MAML3: variants seen among roughly 807,000 people sequenced by gnomAD.
The protein encoded by MAML3 is mastermind-like protein 3.
A neutral mutation model predicts 101.9 loss-of-function variants in MAML3; 27 were observed. The ratio of observed to expected loss-of-function variants is 0.27; its 90% CI spans 0.20 to 0.37. The LOEUF is 0.37. Among genes scored for constraint, MAML3 ranks in the 10% least tolerant of loss-of-function variants. The pLI is 1.00. For missense variants in MAML3, 1,316 were observed against 1,444.9 expected, an observed-to-expected ratio of 0.91 and a Z score of 1.45; for synonymous variants, 501 against 555.9, an observed-to-expected ratio of 0.90 and a Z score of 1.39.
intron 1 of MAML3, among the ~76,000 whole-genome samples, chr4:139,911,148 T>A (rs140575736): frequency 1.3e-5 from 2 of 152,270 alleles, no homozygotes; most frequent in African/African-American, 4.8e-5. Flanking sequence ...ACGATATTTA[T>A]CTCTTAATGA....
rs567340883 is a variant in MAML3, at chr4:140,035,194, G to T, written c.468+117666C>A. On this transcript the variant is annotated intron_variant, in intron 1 of 4. Coordinates refer to ENST00000509479, the MANE Select transcript of MAML3 (RefSeq NM_018717.5). ...TCACCATGTTGGCAAGGCTGGTTTC[G>T]AACTCCTGACCTCAAGTGACACACC... Among the ~76,000 whole-genome samples the T allele has an allele frequency of 9.9e-5, 15 of 152,132 alleles. No individual in the cohort carries two copies. In the South Asian group the frequency reaches 1.7e-3, roughly 17 times the overall value.
chr4:140,112,137 T>G (rs1439048074), intron 1 of MAML3, among the ~76,000 whole-genome samples: 2 of 151,876 alleles, frequency 1.3e-5, no homozygotes, highest in Admixed American at 6.6e-5. Flanking sequence ...AATTTCTATA[T>G]CAGTATGGAT....
At chr4:139,872,201 G>A (rs1372080669) in intron 2 of MAML3, among the ~76,000 whole-genome samples, 1 of 151,842 alleles carries the variant, frequency 6.6e-6, no homozygotes, top group Non-Finnish European at 1.5e-5. Flanking sequence ...TCTGTATGCT[G>A]TTATTATTTT....
chr4:139,813,955 G>C (rs570294599), intron 2 of MAML3, among the ~76,000 whole-genome samples: 1 of 151,834 alleles, frequency 6.6e-6, no homozygotes, highest in African/African-American at 2.4e-5. Context: ...AGTAACTGCA[G>C]AAAAAGCAAA....
At chr4:139,988,171 A>G (rs1019578768) in intron 1 of MAML3, among the ~76,000 whole-genome samples, 3 of 151,360 alleles carry the variant, frequency 2.0e-5, no homozygotes, top group Non-Finnish European at 4.4e-5. Context: ...TACTAAAAAT[A>G]CAAAAATTAG....
chr4:139,927,072 C>CTTTTTTTTTTTTTTTTTT (rs61573991), intron 1 of MAML3, among the ~76,000 whole-genome samples: 3 of 134,730 alleles, frequency 2.2e-5, no homozygotes, highest in African/African-American at 8.4e-5. Flanking sequence ...TTTCTTTTTT[C>CTTTTTTTTTTTTTTTTTT]TTTTTTTTTT....
chr4:139,908,696 C>A (rs939595340), intron 1 of MAML3, among the ~76,000 whole-genome samples: 1 of 152,204 alleles, frequency 6.6e-6, no homozygotes, highest in Non-Finnish European at 1.5e-5. Context: ...ACATTCTTCT[C>A]AATTCAGGCA....
chr4:139,727,155 T>C (rs1728506572), intron 3 of MAML3, among the ~76,000 whole-genome samples: 1 of 152,218 alleles, frequency 6.6e-6, no homozygotes. Flanking sequence ...CTTTTCTTTT[T>C]CTCTTTCTCT....
chr4:139,896,795 C>T (rs76410082), intron 1 of MAML3, among the ~76,000 whole-genome samples: 2,755 of 152,230 alleles, frequency 0.018, 80 homozygotes, highest in African/African-American at 0.064. Flanking sequence ...CACACAGAAT[C>T]ATATTTTATC....
At chr4:140,009,187 T>G (rs1431182629) in intron 1 of MAML3, among the ~76,000 whole-genome samples, 1 of 152,206 alleles carries the variant, frequency 6.6e-6, no homozygotes, top group African/African-American at 2.4e-5. Flanking sequence ...TTGTTACAAG[T>G]CATGTGCATT....
Position 139,725,765 on chromosome 4 carries a change from A to G in MAML3, c.2402T>C (p.Val801Ala), listed in dbSNP as rs756861133. ...ACTGGCCTCACCTTGAAACTGATTG[A>G]CCTGCTGCACTGGGTATGGATTCCG... ...PQRNPYPVQQ[V>A]NQFQGSPQDI... The change falls in exon 4 of 5, where the codon GTC becomes GCC. Residue 801 changes from valine to alanine, a missense_variant. Physicochemically the swap from Val to Ala is moderately conservative, Grantham distance 64. Coordinates refer to ENST00000509479, the MANE Select transcript of MAML3 (RefSeq NM_018717.5). 1.2e-6 allele frequency: 2 copies of G among 1,613,872 alleles called. No homozygotes were observed. Among genetic ancestry groups the G allele is most frequent in the East Asian group, 2.2e-5 (1 of 44,880 alleles).
At chr4:139,786,805 G>T (rs1730311416) in intron 2 of MAML3, among the ~76,000 whole-genome samples, 1 of 152,140 alleles carries the variant, frequency 6.6e-6, no homozygotes, top group African/African-American at 2.4e-5. Flanking sequence ...GTTAAAGTGG[G>T]GTCAAGGGCC....
At chr4:139,925,210 G>T (rs1444167805) in intron 1 of MAML3, among the ~76,000 whole-genome samples, 1 of 151,998 alleles carries the variant, frequency 6.6e-6, no homozygotes, top group Non-Finnish European at 1.5e-5. Context: ...GGATTAGTGA[G>T]TCCCTGTACT....
intron 2 of MAML3, among the ~76,000 whole-genome samples, chr4:139,884,286 A>C (rs1244600313): frequency 6.6e-6 from 1 of 152,256 alleles, no homozygotes; most frequent in East Asian, 1.9e-4. Context: ...AAAAGCTTAT[A>C]ATAATATACC....
chr4:139,860,765 G>A (rs1158268509), intron 2 of MAML3, among the ~76,000 whole-genome samples: 1 of 152,098 alleles, frequency 6.6e-6, no homozygotes, highest in Non-Finnish European at 1.5e-5. Flanking sequence ...ATGAGGTATT[G>A]TAGGTACTCA....
At chr4:140,057,113 G>A (rs557181284) in intron 1 of MAML3, among the ~76,000 whole-genome samples, 2 of 152,188 alleles carry the variant, frequency 1.3e-5, no homozygotes, top group Non-Finnish European at 2.9e-5. Context: ...CCGTCTCTAC[G>A]AAAAATTTAA....
chr4:140,026,740 T>C (rs1726831759), intron 1 of MAML3, among the ~76,000 whole-genome samples: 1 of 152,134 alleles, frequency 6.6e-6, no homozygotes, highest in Non-Finnish European at 1.5e-5. Context: ...CTATGGTAAA[T>C]TTTGCATCCC....
Position 139,989,374 on chromosome 4 carries a change from GC to G in MAML3, c.469-98408del, listed in dbSNP as rs377322343. ...GCGGCCAGGAAAATCAGAACCATCGGCCTCCCCTGCGGCAGCATCTAAGGAT... is the reference window on the plus strand; with the variant it reads ...GCGGCCAGGAAAATCAGAACCATCGGCTCCCCTGCGGCAGCATCTAAGGAT... On this transcript the variant is annotated intron_variant, in intron 1 of 4. Coordinates refer to ENST00000509479, the MANE Select transcript of MAML3 (RefSeq NM_018717.5). Among the ~76,000 whole-genome samples the G allele has an allele frequency of 5.1e-4, 77 of 152,254 alleles. 1 individual carries two copies. The South Asian group carries it at 0.016, about 31-fold the overall frequency.
intron 2 of MAML3, among the ~76,000 whole-genome samples, chr4:139,852,524 T>C (rs984330158): frequency 6.6e-6 from 1 of 150,462 alleles, no homozygotes; most frequent in African/African-American, 2.4e-5. Context: ...GCGATTCTTC[T>C]GACTCAGCCT....
Sources: gnomAD v4.1 joint callset for allele counts (sites outside exome capture counted in the v4.1 genomes callset) on GRCh38, gnomAD v4.1.1 for gene constraint, MANE v1.5 for transcripts, NCBI Gene and HGNC (gene_info 2026-07-23, HGNC 2026-07-21) for gene names.